The following TMEM132E variants were observed in gnomAD, a reference collection of about 807,000 sequenced individuals.
The protein encoded by TMEM132E is transmembrane protein 132E.
In TMEM132E, 49 loss-of-function variants were observed where a neutral mutation model predicts 78.5. The ratio of observed to expected loss-of-function variants is 0.62; its 90% CI spans 0.50 to 0.79. The LOEUF (loss-of-function observed/expected upper bound fraction) is 0.79, where lower values mean the gene tolerates loss of function less well. Among genes scored for constraint, TMEM132E ranks in the 30% least tolerant of loss-of-function variants. The pLI is 0.00. For missense variants in TMEM132E, 1,403 were observed against 1,470.9 expected (o/e 0.95, Z 0.75); for synonymous variants, 715 against 670.6 (o/e 1.07, Z -1.02).
rs1907107177 is a variant in TMEM132E, at chr17:34,626,139, C to T, written c.80C>T (p.Ser27Phe). 3 of 1,524,136 alleles carry T rather than the reference C, an allele frequency of 2.0e-6. No homozygotes were observed. Among genetic ancestry groups the T allele is most frequent in the Admixed American group, 2.1e-5 (1 of 46,834 alleles). The allele number at this position is 1,524,136 out of a possible 1,614,324, so 94.4% of individuals were successfully genotyped here. A position where few individuals can be genotyped will look rare whatever the true frequency, so the allele number is the denominator to read the frequency against. Residue 27 changes from serine (S) to phenylalanine (F), a missense_variant, in exon 2 of 9, where the codon TCC becomes TTC. This residue lies in a region of TMEM132E where 511 missense variants were observed against 499.0 expected (regional missense o/e 1.02). Transcript: ENST00000631683. Reference protein sequence around the residue: ...SALLAHASGRSHPASPSPPGP... With the variant: ...SALLAHASGRFHPASPSPPGP... ...TGTCTGTCCCCAGCCTCTGGCCGCT[C>T]CCACCCGGCCAGCCCCAGCCCGCCG...
In TMEM132E at chr17:34,637,974, C is replaced by A; in HGVS notation, c.2967C>A (p.Gly989=). ...VQSQVHGRGD[G]SSGGSARDQA... ...GCCAGGTGCACGGCAGGGGCGACGG[C>A]TCCTCGGGCGGCTCAGCCCGAGACC... The change falls in exon 9 of 9, where the codon GGC becomes GGA. Residue 989 remains glycine (G), a synonymous_variant. Coordinates refer to ENST00000631683, the MANE Select transcript of TMEM132E (RefSeq NM_001304438.2). 6.3e-7 allele frequency: 1 copy of A among 1,595,426 alleles called. No homozygotes were observed. Among genetic ancestry groups the A allele is most frequent in the Non-Finnish European group, 8.5e-7 (1 of 1,172,202 alleles).
At chr17:34,585,036 C>G (rs1283365415) in intron 1 of TMEM132E, among the ~76,000 whole-genome samples, 1 of 152,220 alleles carries the variant, frequency 6.6e-6, no homozygotes, top group Non-Finnish European at 1.5e-5. Context: ...GGGTAAGCAC[C>G]AGCCCTTGGG....
Position 34,612,864 on chromosome 17 carries a change from T to TG in TMEM132E, c.68-13255dup, listed in dbSNP as rs199790069. Among the ~76,000 whole-genome samples, 921 of 146,510 alleles carry TG rather than the reference T, an allele frequency of 6.3e-3. 10 individuals carry two copies. Among genetic ancestry groups the TG allele is most frequent in the African/African-American group, 0.02 (802 of 40,544 alleles). On this transcript the variant is annotated intron_variant, in intron 1 of 8. Transcript: ENST00000631683. Reference sequence around the variant, plus strand: ...CCTCTCTCAGCTTTGGTTCCGTCACTGGGGGGGGCAGTGGGGTGGGAAAGA... The same window carrying TG: ...CCTCTCTCAGCTTTGGTTCCGTCACTGGGGGGGGGCAGTGGGGTGGGAAAGA...
intron 1 of TMEM132E, among the ~76,000 whole-genome samples, chr17:34,596,072 A>ACACACACACACACACACACG (rs369148259): frequency 1.3e-5 from 2 of 149,166 alleles, no homozygotes; most frequent in African/African-American, 5.0e-5. Flanking sequence ...ACACACGCAC[A>ACACACACACACACACACACG]ACTTGCATTC....
chr17:34,591,353 GGAGT>G (rs1461140436), intron 1 of TMEM132E, among the ~76,000 whole-genome samples: 1 of 151,402 alleles, frequency 6.6e-6, no homozygotes, highest in Admixed American at 6.6e-5. Context: ...CACCCAGGCT[GGAGT>G]GTAGTAGTAT....
At chr17:34,588,523 A>G (rs1277979189) in intron 1 of TMEM132E, among the ~76,000 whole-genome samples, 1 of 152,214 alleles carries the variant, frequency 6.6e-6, no homozygotes, top group Non-Finnish European at 1.5e-5. Flanking sequence ...ACAAGTATTC[A>G]GTTAGCGCTT....
rs2058164 is a variant in TMEM132E at position 34,634,732 on chromosome 17, C to A, written c.1689-67C>A. 1,000,050 of 1,506,342 alleles carry A rather than the reference C, an allele frequency of 0.66. 334,879 individuals are homozygous for A. Among genetic ancestry groups the A allele is most frequent in the East Asian group, 0.91 (37,533 of 41,134 alleles). 93.3% of individuals were successfully genotyped at this position (1,506,342 alleles called of 1,614,324 possible). A position where few individuals can be genotyped will look rare whatever the true frequency, so the allele number is the denominator to read the frequency against. Reference sequence around the variant, plus strand: ...GGGAGGACCCAACAGGGCAAGGGTGCGGGGTGTGTACTGTGCAGGTCAGAG... The same window carrying A: ...GGGAGGACCCAACAGGGCAAGGGTGAGGGGTGTGTACTGTGCAGGTCAGAG... On this transcript the variant is annotated intron_variant, in intron 6 of 8. Transcript: ENST00000631683.
intron 1 of TMEM132E, among the ~76,000 whole-genome samples, chr17:34,612,878 G>A (rs905007725): frequency 6.6e-6 from 1 of 152,100 alleles, no homozygotes; most frequent in Non-Finnish European, 1.5e-5. Context: ...GGGGGCAGTG[G>A]GGTGGGAAAG....
rs1206708222 is a variant in TMEM132E, at chr17:34,580,885, G to T, written c.-192G>T. On this transcript the variant is annotated 5_prime_UTR_variant, in exon 1 of 9. In the 5' UTR this introduces an upstream ATG that the reference lacks. Transcript: ENST00000631683. The stretch of plus-strand genomic sequence containing the variant: ...GGAGCTGCGCCCCCACCGGCTCCGA[G>T]GGTGTAGCCGCCAGCGCCTGGGACG... 4.3e-6 allele frequency: 2 copies of T among 463,928 alleles called. No individual in the cohort carries two copies. The highest frequency in any genetic ancestry group is 4.3e-5 in the Admixed American group (1 of 23,058). 28.7% of individuals were successfully genotyped at this position (463,928 alleles called of 1,614,324 possible).
intron 1 of TMEM132E, among the ~76,000 whole-genome samples, chr17:34,581,859 G>A (rs182979774): frequency 1.2e-4 from 19 of 152,214 alleles, no homozygotes; most frequent in Admixed American, 3.9e-4. Flanking sequence ...CGCGGTAAAG[G>A]GGGTGGGAGA....
At chr17:34,605,015 T>G (rs1567714057) in intron 1 of TMEM132E, among the ~76,000 whole-genome samples, 2 of 152,194 alleles carry the variant, frequency 1.3e-5, no homozygotes, top group Non-Finnish European at 1.5e-5. Flanking sequence ...GCTGGAGACC[T>G]CTACTTTCTG....
chr17:34,588,368 G>A (rs183100481), intron 1 of TMEM132E, among the ~76,000 whole-genome samples: 17 of 152,308 alleles, frequency 1.1e-4, no homozygotes, highest in African/African-American at 3.6e-4. Context: ...GACCTGGAAC[G>A]TGTGTGATCT....
rs1363820100 is a variant in TMEM132E, at chr17:34,626,538, A to AGCG, written c.482_484dup (p.Arg161dup). On this transcript the variant is annotated inframe_insertion, in exon 2 of 9. Coordinates refer to ENST00000631683, the MANE Select transcript of TMEM132E (RefSeq NM_001304438.2). ...GACTGGGACGACTTCGGCGTCACCG[A>AGCG]GCGGCTGCCCTGTGTCCGCCTGCAT... 1 of 1,599,414 alleles carries AGCG rather than the reference A, an allele frequency of 6.3e-7. No individual in the cohort carries two copies. The highest frequency in any genetic ancestry group is 1.3e-5 in the African/African-American group (1 of 74,920).
At chr17:34,635,206 C>A (rs1907481982) in intron 7 of TMEM132E, 119 bp downstream of exon 7, 3 of 1,186,932 alleles carry the variant, frequency 2.5e-6, no homozygotes, top group Non-Finnish European at 3.4e-6. Context: ...TCCCTGCCTG[C>A]CCCTTGTCTG....
At chr17:34,632,071 G>A (rs991182734) in intron 5 of TMEM132E, among the ~76,000 whole-genome samples, 15 of 152,196 alleles carry the variant, frequency 9.9e-5, no homozygotes, top group African/African-American at 3.6e-4. Flanking sequence ...ATCCATTGGT[G>A]GCAGCCATTC....
chr17:34,616,311 G>A (rs1337843427), intron 1 of TMEM132E, among the ~76,000 whole-genome samples: 1 of 152,174 alleles, frequency 6.6e-6, no homozygotes, highest in African/African-American at 2.4e-5. Flanking sequence ...AAGCATGGGG[G>A]TGGGGTGGAT....
At chr17:34,595,454 T>C (rs1906023651) in intron 1 of TMEM132E, among the ~76,000 whole-genome samples, 1 of 152,228 alleles carries the variant, frequency 6.6e-6, no homozygotes, top group African/African-American at 2.4e-5. Flanking sequence ...TAGGGTGCCC[T>C]GCATACAGCT....
At chr17:34,605,948 C>G (rs1377844895) in intron 1 of TMEM132E, among the ~76,000 whole-genome samples, 1 of 152,206 alleles carries the variant, frequency 6.6e-6, no homozygotes, top group Non-Finnish European at 1.5e-5. Flanking sequence ...TAAACCAAGT[C>G]CCATGACTGA....
chr17:34,601,212 G>A (rs1906227038), intron 1 of TMEM132E, among the ~76,000 whole-genome samples: 1 of 152,234 alleles, frequency 6.6e-6, no homozygotes, highest in Non-Finnish European at 1.5e-5. Flanking sequence ...GAGAGAAGCA[G>A]AGCGGGTCCA....
Sources: gnomAD v4.1 joint callset for allele counts (sites outside exome capture counted in the v4.1 genomes callset) on GRCh38, gnomAD v4.1.1 for gene constraint, gnomAD v4.1.1 regional missense constraint, MANE v1.5 for transcripts, NCBI Gene and HGNC (gene_info 2026-07-23, HGNC 2026-07-21) for gene names.